The following THSD7B variants were observed in gnomAD, a reference collection of about 807,000 sequenced individuals.
The protein encoded by THSD7B is thrombospondin type-1 domain-containing protein 7B.
Under a neutral mutation model 213.6 loss-of-function variants are expected in THSD7B, and 138 were observed. That is an observed-to-expected ratio of 0.65 (90% CI 0.56 to 0.74). The LOEUF is 0.74. Ranked by LOEUF, THSD7B falls within the 30% of genes least tolerant of loss-of-function variation. The pLI is 0.00. For synonymous variants in THSD7B, 742 were observed against 687.0 expected (o/e 1.08, Z -1.25); for missense variants, 1,931 against 1,991.5 (o/e 0.97, Z 0.58).
intron 1 of THSD7B, among the ~76,000 whole-genome samples, chr2:136,867,325 C>T (rs1296347325): frequency 6.6e-6 from 1 of 152,138 alleles, no homozygotes; most frequent in Non-Finnish European, 1.5e-5. Context: ...GGCTCATTTG[C>T]CTTCTTTTGA....
At chr2:137,643,282 T>A (rs1459216310) in intron 21 of THSD7B, among the ~76,000 whole-genome samples, 2 of 152,206 alleles carry the variant, frequency 1.3e-5, no homozygotes, top group Non-Finnish European at 2.9e-5. Flanking sequence ...TTTCCCTATT[T>A]TCTTATCCTA....
At position 137,118,147 on chromosome 2, in the gene THSD7B, A is replaced by G. The variant is rs1233873324; in HGVS notation, c.1369+2854A>G. ...AGAGCTATTTATGATTTTGCTTAACACTTGTTGTTTTAAAGAGAATAGTGT... is the reference window on the plus strand; with the variant it reads ...AGAGCTATTTATGATTTTGCTTAACGCTTGTTGTTTTAAAGAGAATAGTGT... On this transcript the variant is annotated intron_variant, in intron 5 of 27. Transcript: ENST00000409968. Among the ~76,000 whole-genome samples, 2 of 152,164 alleles carry G rather than the reference A, an allele frequency of 1.3e-5. 1 individual carries two copies. Among genetic ancestry groups the G allele is most frequent in the South Asian group, 4.1e-4 (2 of 4,834 alleles).
intron 2 of THSD7B, among the ~76,000 whole-genome samples, chr2:137,041,748 G>C (rs10181123): frequency 0.023 from 3,452 of 151,904 alleles, 135 homozygotes; most frequent in African/African-American, 0.078. Context: ...TTCATGTAAT[G>C]TTCTTGGCAT....
rs949404306 is a variant in THSD7B, at chr2:137,307,092, C to T, written c.2500+31066C>T. On this transcript the variant is annotated intron_variant, in intron 12 of 27. Transcript: ENST00000409968. ...TATATTTGCAGCTGAAAAACTAGTTCGAAACATGAGCTTCTGCAGCAGCTT... is the reference window on the plus strand; with the variant it reads ...TATATTTGCAGCTGAAAAACTAGTTTGAAACATGAGCTTCTGCAGCAGCTT... Among the ~76,000 whole-genome samples, 8 of 152,000 alleles carry T rather than the reference C, an allele frequency of 5.3e-5. 1 individual carries two copies. The highest frequency in any genetic ancestry group is 4.2e-4 in the South Asian group (2 of 4,772).
intron 12 of THSD7B, among the ~76,000 whole-genome samples, chr2:137,386,894 A>C (rs1455502481): frequency 6.6e-6 from 1 of 152,230 alleles, no homozygotes; most frequent in Admixed American, 6.5e-5. Context: ...TTTTTAAAAA[A>C]TTAACTATGA....
intron 15 of THSD7B, 63 bp from the exon 16 acceptor site, chr2:137,563,158 T>C: frequency 6.4e-7 from 1 of 1,551,690 alleles, no homozygotes; most frequent in Non-Finnish European, 8.8e-7. Context: ...TACTAAAAGA[T>C]AGGCTATTTT....
At chr2:137,671,245 TTTAA>T (rs1288439908) in intron 27 of THSD7B, among the ~76,000 whole-genome samples, 635 of 40,786 alleles carry the variant, frequency 0.016, 4 homozygotes, top group East Asian at 0.035. Context: ...CTTTTTTTTT[TTTAA>T]AAAAAAAAAA....
chr2:137,426,089 T>G (rs112758305), intron 14 of THSD7B, among the ~76,000 whole-genome samples: 2,191 of 152,198 alleles, frequency 0.014, 44 homozygotes, highest in African/African-American at 0.05. Context: ...ACAATAGCAT[T>G]TTAAGAATAA....
intron 15 of THSD7B, among the ~76,000 whole-genome samples, chr2:137,520,060 C>T (rs945302131): frequency 6.6e-6 from 1 of 152,182 alleles, no homozygotes; most frequent in African/African-American, 2.4e-5. Context: ...AAGGTAAAGA[C>T]TTCCCATTTT....
At chr2:136,994,348 C>T (rs1225407861) in intron 2 of THSD7B, among the ~76,000 whole-genome samples, 4 of 152,070 alleles carry the variant, frequency 2.6e-5, no homozygotes, top group East Asian at 1.9e-4. Flanking sequence ...GGGCAGATCA[C>T]GAGGTTAGGA....
chr2:136,957,514 G>C (rs1402256155), intron 2 of THSD7B, among the ~76,000 whole-genome samples: 1 of 151,056 alleles, frequency 6.6e-6, no homozygotes, highest in Non-Finnish European at 1.5e-5. Context: ...GTACCAGAAA[G>C]AGTCCCGACA....
chr2:137,271,291 C>G (rs1682726489), intron 10 of THSD7B, among the ~76,000 whole-genome samples: 1 of 150,602 alleles, frequency 6.6e-6, no homozygotes, highest in South Asian at 2.1e-4. Context: ...AGTTACTTGT[C>G]TGTCTTTGTA....
chr2:137,671,744 G>A (rs1045497640), intron 27 of THSD7B, among the ~76,000 whole-genome samples: 1 of 152,144 alleles, frequency 6.6e-6, no homozygotes, highest in East Asian at 1.9e-4. Flanking sequence ...CTCAAGATGA[G>A]ATTTAGGTGG....
chr2:137,059,827 T>C (rs1032981661), intron 3 of THSD7B, among the ~76,000 whole-genome samples: 1 of 152,218 alleles, frequency 6.6e-6, no homozygotes, highest in Non-Finnish European at 1.5e-5. Context: ...ATAAAGCTGC[T>C]ATAAAAGTTT....
At chr2:137,239,915 C>A (rs1311464055) in intron 9 of THSD7B, among the ~76,000 whole-genome samples, 1 of 152,162 alleles carries the variant, frequency 6.6e-6, no homozygotes, top group Non-Finnish European at 1.5e-5. Flanking sequence ...TTGCAGATGG[C>A]CACCTTCTTG....
chr2:136,878,352 A>C (rs1465010455), intron 1 of THSD7B, among the ~76,000 whole-genome samples: 4 of 152,166 alleles, frequency 2.6e-5, no homozygotes, highest in Non-Finnish European at 5.9e-5. Flanking sequence ...AGTCTTTGCT[A>C]TTGTAAATAG....
At chr2:137,642,692 G>C (rs1339813738) in intron 21 of THSD7B, 59 bp downstream of exon 21, 3 of 1,578,086 alleles carry the variant, frequency 1.9e-6, no homozygotes, top group Non-Finnish European at 2.6e-6. Context: ...GCACTTGTCT[G>C]GTCAAACCTA....
rs1215185747 is a variant in THSD7B at position 137,590,792 on chromosome 2, G to GTTTTTTTTTTTTTT, written c.3423+18244_3423+18257dup. Among the ~76,000 whole-genome samples the GTTTTTTTTTTTTTT allele has an allele frequency of 5.7e-4, 51 of 88,702 alleles. 5 individuals carry two copies. The highest frequency in any genetic ancestry group is 1.4e-3 in the East Asian group (4 of 2,892). The allele number at this position is 88,702 out of a possible 152,430, so 58.2% of individuals were successfully genotyped here. A position where few individuals can be genotyped will look rare whatever the true frequency, so the allele number is the denominator to read the frequency against. ...GCATTTTTCCCTCTGCTTTGAAATA[G>GTTTTTTTTTTTTTT]TTTTTTTTTTTTTTTTTTTTTAGCT... On this transcript the variant is annotated intron_variant, in intron 17 of 27. Coordinates refer to ENST00000409968, the MANE Select transcript of THSD7B (RefSeq NM_001316349.2).
chr2:137,113,523 G>A (rs542162321), intron 4 of THSD7B, among the ~76,000 whole-genome samples: 2 of 152,056 alleles, frequency 1.3e-5, no homozygotes, highest in East Asian at 1.9e-4. Flanking sequence ...CGCACCCTCC[G>A]CCTCCTGGGT....
Sources: allele counts gnomAD v4.1 joint callset (sites outside exome capture counted in the v4.1 genomes callset), GRCh38; gene constraint gnomAD v4.1.1; transcripts MANE v1.5; gene names NCBI Gene and HGNC (gene_info 2026-07-23, HGNC 2026-07-21).